CLEC20A: variants seen among roughly 807,000 people sequenced by gnomAD.
The protein encoded by CLEC20A is C-type lectin domain containing 20A.
At chr1:178,495,817 T>C (rs1170818669) in intron 1 of CLEC20A, 1 of 152,330 alleles carries the variant, frequency 6.6e-6, no homozygotes, top group Non-Finnish European at 1.5e-5. Context: ...ACCCTCTTGG[T>C]CCCAGTAAAT....
Position 178,489,803 on chromosome 1 carries a change from C to T in CLEC20A, c.829+269G>A, listed in dbSNP as rs61027572. ...GACTCTTAACTTCATTGTCCAATAA[C>T]GCATTGCTCTTGCTAATTGCCACTG... is the stretch of plus-strand genomic sequence containing the variant. On this transcript the variant is annotated intron_variant, in intron 4 of 7. Coordinates refer to ENST00000623247, the Ensembl canonical transcript of CLEC20A. Among the ~76,000 whole-genome samples, 1,473 of 152,328 alleles carry T rather than the reference C, an allele frequency of 9.7e-3. 29 individuals are homozygous for T. Among genetic ancestry groups the T allele is most frequent in the African/African-American group, 0.034 (1,407 of 41,568 alleles).
At chr1:178,479,312 G>T in exon 8 of CLEC20A, 1 of 347,962 alleles carries the variant, frequency 2.9e-6, no homozygotes, top group African/African-American at 2.1e-5. Flanking sequence ...CAACATGATT[G>T]TTCCCAAATA....
chr1:178,481,980 C>CT (rs1648997667), intron 7 of CLEC20A: 1 of 208,394 alleles, frequency 4.8e-6, no homozygotes, highest in African/African-American at 2.3e-5. Flanking sequence ...CTCAGAAAGA[C>CT]TAAGTTACTT....
intron 2 of CLEC20A, among the ~76,000 whole-genome samples, chr1:178,493,049 T>C (rs983549610): frequency 1.5e-4 from 23 of 152,234 alleles, no homozygotes; most frequent in African/African-American, 5.3e-4. Context: ...AAGCTCACTC[T>C]GTGTAGAGAA....
At chr1:178,496,879 C>T in intron 1 of CLEC20A, 21 bp downstream of exon 1, 1 of 398,646 alleles carries the variant, frequency 2.5e-6, no homozygotes, top group Non-Finnish European at 4.4e-6. Flanking sequence ...AGGCACCCTC[C>T]TCCAGGTTGG....
chr1:178,497,644 T>C (rs964058402), upstream of CLEC20A, among the ~76,000 whole-genome samples: 6 of 152,238 alleles, frequency 3.9e-5, no homozygotes, highest in African/African-American at 1.4e-4. Context: ...AATGTCTCCC[T>C]CTATCATTGG....
intron 1 of CLEC20A, chr1:178,495,948 A>G (rs1649378268): frequency 6.6e-6 from 1 of 152,468 alleles, no homozygotes. Context: ...TTCAAGCTAA[A>G]TGCCCCAGGA....
chr1:178,482,075 AAAAAAACAAAAAAACAAC>A, intron 7 of CLEC20A: 1 of 350,110 alleles, frequency 2.9e-6, no homozygotes, highest in Non-Finnish European at 5.0e-6. Context: ...AAAAAAAAAC[AAAAAAACAAAAAAACAAC>A]AAAAAAAAAA....
chr1:178,499,164 G>A (rs1484590417), upstream of CLEC20A, among the ~76,000 whole-genome samples: 3 of 152,210 alleles, frequency 2.0e-5, no homozygotes, highest in African/African-American at 7.2e-5. Flanking sequence ...GGAACTCCAG[G>A]CTGAAATTCC....
chr1:178,496,585 C>T (rs571969890), intron 1 of CLEC20A: 48 of 330,426 alleles, frequency 1.5e-4, no homozygotes, highest in Non-Finnish European at 2.6e-4. Flanking sequence ...CCCTGCATTG[C>T]ACATGCTTCT....
chr1:178,485,683 C>T (rs1006865659), intron 5 of CLEC20A, among the ~76,000 whole-genome samples: 20 of 152,318 alleles, frequency 1.3e-4, no homozygotes, highest in African/African-American at 4.3e-4. Flanking sequence ...CAGCCCTGCT[C>T]ATCTTGGTAT....
chr1:178,492,148 G>T (rs991019998), intron 3 of CLEC20A, among the ~76,000 whole-genome samples: 8 of 152,146 alleles, frequency 5.3e-5, no homozygotes, highest in Non-Finnish European at 8.8e-5. Context: ...AGCTGGGCAT[G>T]GTGGCATGTG....
exon 4 of CLEC20A, chr1:178,490,278 T>C (rs1649240040): frequency 2.5e-6 from 1 of 398,660 alleles, no homozygotes; most frequent in East Asian, 3.6e-5. Flanking sequence ...GGCTTCAGTC[T>C]CACTCATGAT....
upstream of CLEC20A, chr1:178,496,949 C>CTGGCTGGGCGA: frequency 2.5e-6 from 1 of 400,152 alleles, no homozygotes; most frequent in East Asian, 3.6e-5. Flanking sequence ...TGGCTGGGCA[C>CTGGCTGGGCGA]TGGCTGGGCG....
At chr1:178,497,886 G>A (rs925895558), upstream of CLEC20A, among the ~76,000 whole-genome samples, 1 of 152,050 alleles carries the variant, frequency 6.6e-6, no homozygotes, top group Admixed American at 6.5e-5. Flanking sequence ...GGTAGCAGAG[G>A]GCAGGGTGAG....
intron 1 of CLEC20A, among the ~76,000 whole-genome samples, chr1:178,495,592 C>T (rs746197318): frequency 8.5e-5 from 13 of 152,106 alleles, no homozygotes; most frequent in Non-Finnish European, 1.9e-4. Context: ...AAAGAACGAG[C>T]CTCATTCATT....
chr1:178,497,675 C>T (rs1203870661), upstream of CLEC20A, among the ~76,000 whole-genome samples: 4 of 152,196 alleles, frequency 2.6e-5, no homozygotes, highest in Admixed American at 6.5e-5. Flanking sequence ...TGAAGGCTCC[C>T]GGGGACACAT....
intron 5 of CLEC20A, among the ~76,000 whole-genome samples, chr1:178,488,084 C>T (rs960938590): frequency 6.6e-6 from 1 of 152,202 alleles, no homozygotes; most frequent in Admixed American, 6.5e-5. Flanking sequence ...AGGGACTTTG[C>T]GGTGCTTCCC....
At chr1:178,483,609 A>G (rs1318747058) in intron 5 of CLEC20A, 1 of 185,182 alleles carries the variant, frequency 5.4e-6, no homozygotes, top group East Asian at 1.3e-4. Context: ...CAAAGGGCCT[A>G]ATGTCCTTAT....
Sources: allele counts gnomAD v4.1 joint callset (sites outside exome capture counted in the v4.1 genomes callset), GRCh38; gene constraint gnomAD v4.1.1; transcripts MANE v1.5; gene names NCBI Gene and HGNC (gene_info 2026-07-23, HGNC 2026-07-21).